The following GRM7 variants were observed in gnomAD, a reference collection of about 807,000 sequenced individuals.
The protein encoded by GRM7 is glutamate metabotropic receptor 7.
Under a neutral mutation model 84.5 loss-of-function variants are expected in GRM7, and 35 were observed. The ratio of observed to expected loss-of-function variants is 0.41; its 90% CI spans 0.32 to 0.55. The LOEUF (loss-of-function observed/expected upper bound fraction) is 0.55, where lower values mean the gene tolerates loss of function less well. GRM7 is among the 20% of genes least tolerant of loss of function. The pLI is 0.19. For missense variants in GRM7, 1,003 were observed against 1,194.6 expected (o/e 0.84, Z 2.36); for synonymous variants, 487 against 455.1 (o/e 1.07, Z -0.89).
intron 2 of GRM7, among the ~76,000 whole-genome samples, chr3:7,197,266 C>T (rs868307699): frequency 2.0e-5 from 3 of 152,270 alleles, no homozygotes; most frequent in South Asian, 4.1e-4. Flanking sequence ...GGGTGCTCAT[C>T]GTCTGCTGAT....
intron 2 of GRM7, among the ~76,000 whole-genome samples, chr3:7,256,473 G>T (rs1185223102): frequency 6.6e-5 from 10 of 152,196 alleles, no homozygotes. Flanking sequence ...TTAGAAAAAA[G>T]GCTGGATGCT....
intron 2 of GRM7, among the ~76,000 whole-genome samples, chr3:7,185,532 C>T (rs937908269): frequency 1.3e-5 from 2 of 152,058 alleles, no homozygotes; most frequent in Non-Finnish European, 2.9e-5. Context: ...ATTTATGAGG[C>T]CATTTTGCTG....
intron 1 of GRM7, among the ~76,000 whole-genome samples, chr3:6,883,791 G>A (rs551201390): frequency 1.6e-4 from 24 of 152,290 alleles, no homozygotes; most frequent in African/African-American, 5.3e-4. Context: ...ACTTGAAACC[G>A]TGAGGATCCT....
At chr3:7,395,222 T>G (rs1270090049) in intron 4 of GRM7, among the ~76,000 whole-genome samples, 3 of 152,166 alleles carry the variant, frequency 2.0e-5, no homozygotes, top group Admixed American at 2.0e-4. Context: ...GAGTTACATC[T>G]ATGATGTATT....
At chr3:7,391,390 T>G (rs570686824) in intron 4 of GRM7, among the ~76,000 whole-genome samples, 1 of 152,164 alleles carries the variant, frequency 6.6e-6, no homozygotes, top group Admixed American at 6.5e-5. Context: ...TAAAAAAGGA[T>G]GAGTTCATGT....
intron 8 of GRM7, among the ~76,000 whole-genome samples, chr3:7,678,300 A>C (rs1197899083): frequency 2.0e-5 from 3 of 152,232 alleles, no homozygotes; most frequent in African/African-American, 7.2e-5. Flanking sequence ...TATAAATAAT[A>C]AAACAAGAAG....
chr3:7,657,960 G>C (rs1011105685), intron 8 of GRM7, among the ~76,000 whole-genome samples: 8 of 152,156 alleles, frequency 5.3e-5, no homozygotes, highest in Admixed American at 2.0e-4. Context: ...AGAGCATTCT[G>C]CTCCTGGGTA....
At chr3:7,355,000 T>G in intron 4 of GRM7, among the ~76,000 whole-genome samples, 1 of 152,156 alleles carries the variant, frequency 6.6e-6, no homozygotes, top group East Asian at 1.9e-4. Context: ...AACAGTCTAT[T>G]ACATTAATGA....
At chr3:7,648,239 C>T (rs1038867789) in intron 8 of GRM7, among the ~76,000 whole-genome samples, 4 of 136,392 alleles carry the variant, frequency 2.9e-5, no homozygotes, top group Non-Finnish European at 4.6e-5. Flanking sequence ...TTAATTAGTG[C>T]TATAAATAGT....
intron 4 of GRM7, among the ~76,000 whole-genome samples, chr3:7,329,118 C>T (rs927436400): frequency 6.6e-6 from 1 of 152,030 alleles, no homozygotes; most frequent in African/African-American, 2.4e-5. Context: ...CATAACCTGC[C>T]TTCTGCCATG....
intron 9 of GRM7, among the ~76,000 whole-genome samples, chr3:7,712,419 C>A (rs117177781): frequency 6.6e-6 from 1 of 151,664 alleles, no homozygotes; most frequent in Non-Finnish European, 1.5e-5. Context: ...TTCTCTCTCT[C>A]TTCCTCCTCC....
rs150389702 is a variant in GRM7 at position 7,346,517 on chromosome 3, C to T, written c.1033+39865C>T. Among the ~76,000 whole-genome samples the T allele has an allele frequency of 4.4e-3, 676 of 152,230 alleles. 9 individuals are homozygous for T. Among genetic ancestry groups the T allele is most frequent in the African/African-American group, 0.014 (577 of 41,560 alleles). On this transcript the variant is annotated intron_variant, in intron 4 of 9. Coordinates refer to ENST00000357716, the MANE Select transcript of GRM7 (RefSeq NM_000844.4). ...GAATCATTTCCCTTGTGAGAAGAAT[C>T]ATATTCCAGGGGGATGCAAAGAGAA...
chr3:6,894,320 A>G (rs917692123), intron 1 of GRM7, among the ~76,000 whole-genome samples: 8 of 152,200 alleles, frequency 5.3e-5, no homozygotes, highest in Admixed American at 5.2e-4. Flanking sequence ...TATGAAATTC[A>G]CATAAGAAAA....
chr3:6,903,212 T>TG (rs1696455592), intron 1 of GRM7, among the ~76,000 whole-genome samples: 1 of 151,884 alleles, frequency 6.6e-6, no homozygotes, highest in Non-Finnish European at 1.5e-5. Flanking sequence ...TAGGGTTTTT[T>TG]TTTTTTGGTC....
At chr3:7,200,778 A>G (rs1245872389) in intron 2 of GRM7, among the ~76,000 whole-genome samples, 4 of 152,268 alleles carry the variant, frequency 2.6e-5, no homozygotes, top group South Asian at 4.1e-4. Context: ...AAATGCACAT[A>G]GAAATGCATC....
At chr3:6,878,543 A>AAATAATAATAATAAT (rs58165323) in intron 1 of GRM7, among the ~76,000 whole-genome samples, 1,769 of 150,364 alleles carry the variant, frequency 0.012, 34 homozygotes, top group African/African-American at 0.04. Flanking sequence ...GATTAACATA[A>AAATAATAATAATAAT]AATAATAATA....
chr3:6,963,092 G>A (rs958402600), intron 1 of GRM7, among the ~76,000 whole-genome samples: 25 of 152,208 alleles, frequency 1.6e-4, no homozygotes, highest in Admixed American at 7.2e-4. Flanking sequence ...AGCCTTGGTG[G>A]TCTATGGTAA....
intron 2 of GRM7, among the ~76,000 whole-genome samples, chr3:7,221,780 A>G (rs1271949965): frequency 4.7e-5 from 7 of 148,542 alleles, no homozygotes; most frequent in South Asian, 4.2e-4. Flanking sequence ...TGGAGATGAC[A>G]CATTGTATTT....
At chr3:7,376,926 C>A (rs1040470580) in intron 4 of GRM7, among the ~76,000 whole-genome samples, 2 of 152,176 alleles carry the variant, frequency 1.3e-5, no homozygotes, top group African/African-American at 2.4e-5. Context: ...GTAGTACCAC[C>A]TCCCCATTTG....
Sources: gnomAD v4.1 joint callset for allele counts (sites outside exome capture counted in the v4.1 genomes callset) on GRCh38, gnomAD v4.1.1 for gene constraint, MANE v1.5 for transcripts, NCBI Gene and HGNC (gene_info 2026-07-23, HGNC 2026-07-21) for gene names.